The following HIVEP1 variants were observed in gnomAD, a reference collection of about 807,000 sequenced individuals.
HIVEP1 encodes HIVEP zinc finger 1.
HIVEP1 carries 36 observed loss-of-function variants against 180.0 expected under a neutral mutation model. The observed-to-expected ratio is 0.20, with a 90% confidence interval of 0.15 to 0.26. The LOEUF (loss-of-function observed/expected upper bound fraction) is 0.26, where lower values mean the gene tolerates loss of function less well. Ranked by LOEUF, HIVEP1 falls within the 10% of genes least tolerant of loss-of-function variation. HIVEP1 has a pLI of 1.00. For synonymous variants in HIVEP1, 1,239 were observed against 1,239.0 expected (o/e 1.00, Z 0.00); for missense variants, 3,143 against 3,268.7 (o/e 0.96, Z 0.94).
At chr6:12,183,985 A>ATAGATAGG in the HIVEP1 span, among the ~76,000 whole-genome samples, 25 of 127,902 alleles carry the variant, frequency 2.0e-4, no homozygotes, top group African/African-American at 6.4e-4. Context: ...AGATAGATAG[A>ATAGATAGG]TAGATAGATA....
chr6:12,103,184 G>GTAATAATAATAATAATAATAA (rs60181903), intron 3 of HIVEP1, among the ~76,000 whole-genome samples: 4 of 147,656 alleles, frequency 2.7e-5, no homozygotes, highest in South Asian at 2.1e-4. Flanking sequence ...TGTTGATTAT[G>GTAATAATAATAATAATAATAA]TAATAATAAT....
intron 2 of HIVEP1, among the ~76,000 whole-genome samples, chr6:12,050,812 GC>G (rs1294517392): frequency 1.3e-5 from 2 of 151,332 alleles, no homozygotes; most frequent in African/African-American, 4.9e-5. Flanking sequence ...CCAAGTCTTT[GC>G]TCCTACTTTT....
intron 6 of HIVEP1, among the ~76,000 whole-genome samples, chr6:12,134,795 A>G (rs1732076172): frequency 6.6e-6 from 1 of 152,224 alleles, no homozygotes; most frequent in South Asian, 2.1e-4. Context: ...GCATGGTCAT[A>G]CTTAAAGAGG....
intron 3 of HIVEP1, among the ~76,000 whole-genome samples, chr6:12,108,481 G>C (rs1027441335): frequency 1.3e-5 from 2 of 152,236 alleles, no homozygotes; most frequent in Non-Finnish European, 2.9e-5. Context: ...AGGAGCCCAC[G>C]GAGGGGGTGG....
chr6:12,075,568 T>A (rs1241844945), intron 2 of HIVEP1, among the ~76,000 whole-genome samples: 1 of 150,806 alleles, frequency 6.6e-6, no homozygotes, highest in East Asian at 2.0e-4. Context: ...TCTTTCAGTT[T>A]TTAAAAAATT....
chr6:12,111,428 G>C (rs1347861146), intron 3 of HIVEP1, among the ~76,000 whole-genome samples: 1 of 152,248 alleles, frequency 6.6e-6, no homozygotes, highest in African/African-American at 2.4e-5. Flanking sequence ...TAGGTCAGAA[G>C]CCTGACACAG....
the HIVEP1 span, among the ~76,000 whole-genome samples, chr6:12,198,087 C>T: frequency 4.6e-5 from 7 of 152,268 alleles, no homozygotes; most frequent in Non-Finnish European, 8.8e-5. Flanking sequence ...GTTTGAGATG[C>T]TAGTGAAGCA....
intron 2 of HIVEP1, among the ~76,000 whole-genome samples, chr6:12,082,744 A>C (rs536434941): frequency 6.6e-6 from 1 of 152,246 alleles, no homozygotes; most frequent in Middle Eastern, 3.4e-3. Context: ...GCATTACTGC[A>C]TGCCTAGGAA....
At chr6:12,093,438 T>A (rs1419712958) in intron 3 of HIVEP1, among the ~76,000 whole-genome samples, 1 of 151,508 alleles carries the variant, frequency 6.6e-6, no homozygotes, top group East Asian at 1.9e-4. Context: ...TTGTCTTAAA[T>A]TCTTCTCTAT....
At chr6:12,149,195 A>G (rs961665821) in intron 7 of HIVEP1, among the ~76,000 whole-genome samples, 4 of 152,186 alleles carry the variant, frequency 2.6e-5, no homozygotes, top group African/African-American at 9.7e-5. Flanking sequence ...TACTAATAGG[A>G]TATTTAAGAA....
chr6:12,050,401 C>T (rs570040103), intron 2 of HIVEP1, among the ~76,000 whole-genome samples: 3 of 152,158 alleles, frequency 2.0e-5, no homozygotes, highest in East Asian at 1.9e-4. Flanking sequence ...CTGGCTAACA[C>T]GGTGAAACCC....
intron 2 of HIVEP1, among the ~76,000 whole-genome samples, chr6:12,067,232 A>G (rs1405210114): frequency 1.3e-5 from 2 of 152,102 alleles, no homozygotes; most frequent in African/African-American, 4.8e-5. Flanking sequence ...ACTACCTATA[A>G]ATTTCTTTAT....
chr6:12,079,962 A>G (rs550807851), intron 2 of HIVEP1, among the ~76,000 whole-genome samples: 39 of 152,014 alleles, frequency 2.6e-4, no homozygotes, highest in African/African-American at 8.9e-4. Flanking sequence ...CTATCTATCT[A>G]TCTATCTATC....
chr6:12,053,505 A>G (rs1022665401), intron 2 of HIVEP1, among the ~76,000 whole-genome samples: 6 of 152,212 alleles, frequency 3.9e-5, no homozygotes, highest in Admixed American at 2.6e-4. Context: ...CAAAAAAAAC[A>G]TAAATAGGTA....
rs201669166 is a variant in HIVEP1, at chr6:12,121,711, T to C, written c.1916T>C (p.Val639Ala). 386 of 1,614,136 alleles carry C rather than the reference T, an allele frequency of 2.4e-4. No individual in the cohort carries two copies. The highest frequency in any genetic ancestry group is 2.8e-4 in the Non-Finnish European group (325 of 1,180,008). ...NPLEGKQDSH[V>A]GTVHAQLQRQ... ...CTGGAAGGAAAGCAAGACTCTCACG[T>C]AGGAACGGTACACGCCCAGCTACAA... Residue 639 changes from valine to alanine, a missense_variant, in exon 4 of 9, where the codon GTA (valine) becomes GCA (alanine). By Grantham distance (64) the Val-to-Ala change is moderately conservative. This residue lies in a region of HIVEP1 where 365 missense variants were observed against 344.4 expected (regional missense o/e 1.06). Coordinates refer to ENST00000379388, the MANE Select transcript of HIVEP1 (RefSeq NM_002114.4). This position sits in a 1 kb window ranked among gnomAD's most constrained non-coding sequence, Gnocchi z 5.3.
intron 6 of HIVEP1, among the ~76,000 whole-genome samples, chr6:12,133,626 T>C (rs1444944794): frequency 1.3e-5 from 2 of 152,208 alleles, no homozygotes; most frequent in African/African-American, 4.8e-5. Flanking sequence ...CTAGTTACAA[T>C]TATACATTAG....
At chr6:12,082,862 T>C (rs187257032) in intron 2 of HIVEP1, among the ~76,000 whole-genome samples, 1 of 137,486 alleles carries the variant, frequency 7.3e-6, no homozygotes, top group Admixed American at 7.2e-5. Flanking sequence ...AAATGGACTA[T>C]GTGTGTAAAT....
At chr6:12,106,012 A>G (rs1289590313) in intron 3 of HIVEP1, among the ~76,000 whole-genome samples, 2 of 151,608 alleles carry the variant, frequency 1.3e-5, no homozygotes, top group East Asian at 3.9e-4. Context: ...ATACACATAT[A>G]TACATATATA....
At chr6:12,179,393 C>T in the HIVEP1 span, among the ~76,000 whole-genome samples, 228 of 152,282 alleles carry the variant, frequency 1.5e-3, no homozygotes, top group Admixed American at 2.7e-3. Flanking sequence ...CACCAGCAGG[C>T]TAAGCTTTGG....
Sources: allele counts gnomAD v4.1 joint callset (sites outside exome capture counted in the v4.1 genomes callset), GRCh38; gene constraint gnomAD v4.1.1; regional missense constraint gnomAD v4.1.1; non-coding constraint Gnocchi (gnomAD v3.1); transcripts MANE v1.5; gene names NCBI Gene and HGNC (gene_info 2026-07-23, HGNC 2026-07-21).